DPP4: variants seen among roughly 807,000 people sequenced by gnomAD.
The protein encoded by DPP4 is ADCP-2.
In DPP4, 93 loss-of-function variants were observed where a neutral mutation model predicts 122.4. The ratio of observed to expected loss-of-function variants is 0.76; its 90% CI spans 0.64 to 0.90. The LOEUF (loss-of-function observed/expected upper bound fraction) is 0.90, where lower values mean the gene tolerates loss of function less well. DPP4 is among the 40% of genes least tolerant of loss of function. The pLI, the probability that DPP4 is intolerant of heterozygous loss-of-function variation, is 0.00. For synonymous variants in DPP4, 321 were observed against 302.9 expected (o/e 1.06, Z -0.62); for missense variants, 914 against 907.3 (o/e 1.01, Z -0.09).
chr2:162,051,675 C>T (rs1339152711), intron 2 of DPP4, among the ~76,000 whole-genome samples: 1 of 152,198 alleles, frequency 6.6e-6, no homozygotes, highest in Non-Finnish European at 1.5e-5. Context: ...AGCAAATTAA[C>T]AGCCTTGACA....
intron 23 of DPP4, among the ~76,000 whole-genome samples, chr2:162,001,919 G>T (rs774979448): frequency 4.6e-5 from 7 of 152,120 alleles, no homozygotes; most frequent in African/African-American, 1.4e-4. Context: ...GAGGTGGGGG[G>T]GATGAACATC....
chr2:162,062,332 A>C (rs1321689991), intron 2 of DPP4, among the ~76,000 whole-genome samples: 1 of 152,204 alleles, frequency 6.6e-6, no homozygotes, highest in Non-Finnish European at 1.5e-5. Context: ...CTATATTATT[A>C]ATGGTTTTCT....
At chr2:162,016,653 C>A (rs1576041233) in intron 18 of DPP4, 115 bp downstream of exon 18, 7 of 607,120 alleles carry the variant, frequency 1.2e-5, no homozygotes, top group South Asian at 4.3e-5. Context: ...GGAGAAATAA[C>A]CTTTTAAATT....
In DPP4 at chr2:162,059,315, G is replaced by A. The variant is rs548690519; in HGVS notation, c.95-11814C>T. 1.2e-4 allele frequency among the ~76,000 whole-genome samples: 19 copies of A among 152,206 alleles called. No individual in the cohort carries two copies. The South Asian group carries it at 2.5e-3, about 20-fold the overall frequency. ...GACTTTTCTGGGAATAAACAAGACTGATACAATAATGGCCCAAACTAATAC... is the reference window on the plus strand; with the variant it reads ...GACTTTTCTGGGAATAAACAAGACTAATACAATAATGGCCCAAACTAATAC... On this transcript the variant is annotated intron_variant, in intron 2 of 25. Transcript: ENST00000360534.
At chr2:162,028,438 T>G (rs1683422168) in intron 10 of DPP4, among the ~76,000 whole-genome samples, 2 of 152,186 alleles carry the variant, frequency 1.3e-5, no homozygotes, top group African/African-American at 4.8e-5. Context: ...ACCAGAAAAA[T>G]CCAACCAGCA....
chr2:162,065,028 G>A (rs894375532), intron 2 of DPP4, among the ~76,000 whole-genome samples: 2 of 152,200 alleles, frequency 1.3e-5, no homozygotes, highest in Non-Finnish European at 2.9e-5. Context: ...CTGTCTTTCA[G>A]AATTTTCAAT....
At chr2:162,017,798 GATA>G (rs1682977493) in intron 16 of DPP4, among the ~76,000 whole-genome samples, 1 of 152,166 alleles carries the variant, frequency 6.6e-6, no homozygotes, top group Non-Finnish European at 1.5e-5. Flanking sequence ...GTGTTTGGAT[GATA>G]ATATTAATTT....
In DPP4 at chr2:162,027,430, C is replaced by T. The variant is rs574953059; in HGVS notation, c.888-2491G>A. On this transcript the variant is annotated intron_variant, in intron 10 of 25. Transcript: ENST00000360534. Reference sequence around the variant, plus strand: ...GTGGACTGCATTTGGCCCATAAACCCTAGTGTGTTAACCCCTGTCCTGTAT... The same window carrying T: ...GTGGACTGCATTTGGCCCATAAACCTTAGTGTGTTAACCCCTGTCCTGTAT... 5.9e-5 allele frequency among the ~76,000 whole-genome samples: 9 copies of T among 152,160 alleles called. No homozygotes were observed. The East Asian group carries it at 1.7e-3, about 29-fold the overall frequency.
intron 5 of DPP4, among the ~76,000 whole-genome samples, chr2:162,041,423 G>A (rs183661959): frequency 7.2e-5 from 11 of 152,132 alleles, no homozygotes; most frequent in Admixed American, 3.9e-4. Context: ...AGGATGAGAC[G>A]GATGAAATAG....
At chr2:162,045,487 C>A (rs202041698) in intron 5 of DPP4, 45 bp downstream of exon 5, 35 of 1,416,792 alleles carry the variant, frequency 2.5e-5, no homozygotes, top group Middle Eastern at 1.8e-4. Context: ...ACATAGCATA[C>A]TCTTGGATTA....
chr2:162,011,877 C>G lies in DPP4; in HGVS notation c.1748G>C (p.Ser583Thr). Residue 583 changes from serine to threonine, a missense_variant, in exon 20 of 26, where the codon AGT becomes ACT. Ser to Thr is a moderately conservative substitution (Grantham distance 58, BLOSUM62 1). Transcript: ENST00000360534. ...IIVASFDGRG[S>T]GYQGDKIMHA... The stretch of plus-strand genomic sequence containing the variant: ...CATGATCTTATCTCCTTGGTAACCA[C>G]TTCCTCTGCCATCAAAGCTAGCTAC... 1 of 1,613,830 alleles carries G rather than the reference C, an allele frequency of 6.2e-7. No individual in the cohort carries two copies. Among genetic ancestry groups the G allele is most frequent in the Non-Finnish European group, 8.5e-7 (1 of 1,179,762 alleles).
At chr2:162,043,910 C>T (rs1001575842) in intron 5 of DPP4, among the ~76,000 whole-genome samples, 26 of 152,074 alleles carry the variant, frequency 1.7e-4, no homozygotes, top group African/African-American at 6.3e-4. Flanking sequence ...CACCTGTAGT[C>T]TCAGCTACTC....
At chr2:162,071,555 T>A (rs1379720226) in intron 2 of DPP4, among the ~76,000 whole-genome samples, 1 of 152,146 alleles carries the variant, frequency 6.6e-6, no homozygotes, top group Non-Finnish European at 1.5e-5. Flanking sequence ...GGCAAGGGAA[T>A]CACTTGAACC....
intron 5 of DPP4, among the ~76,000 whole-genome samples, chr2:162,043,538 A>G (rs548930874): frequency 6.6e-6 from 1 of 152,342 alleles, no homozygotes; most frequent in African/African-American, 2.4e-5. Flanking sequence ...TGGCTGGCCA[A>G]CTAAGGGCCA....
chr2:162,000,355 T>C (rs867892583), intron 23 of DPP4, among the ~76,000 whole-genome samples: 1 of 152,152 alleles, frequency 6.6e-6, no homozygotes. Flanking sequence ...ATCAAACAAC[T>C]GTACCCATGG....
intron 18 of DPP4, among the ~76,000 whole-genome samples, 198 bp downstream of exon 18, chr2:162,016,570 T>G (rs906985781): frequency 2.0e-5 from 3 of 152,222 alleles, no homozygotes; most frequent in African/African-American, 7.2e-5. Context: ...CAGAATAAGT[T>G]TTATGTAGAA....
chr2:162,005,829 A>G lies in DPP4; in HGVS notation c.1988-20T>C. ...CTGAGTCTGTGAAAGAAAAAAAAAT[A>G]AAAAAAAGTTTAATTCATACAATAA... On this transcript the variant is annotated intron_variant, in intron 22 of 25. Transcript: ENST00000360534. The G allele has an allele frequency of 6.3e-7, 1 of 1,587,866 alleles. No homozygotes were observed. The highest frequency in any genetic ancestry group is 8.5e-7 in the Non-Finnish European group (1 of 1,171,754).
chr2:162,025,198 G>A (rs1349699925), intron 10 of DPP4, among the ~76,000 whole-genome samples: 2 of 152,138 alleles, frequency 1.3e-5, no homozygotes, highest in Non-Finnish European at 2.9e-5. Flanking sequence ...TAACATGCGT[G>A]ACTCAAACCA....
At chr2:162,046,062 T>C (rs1309654801) in intron 4 of DPP4, among the ~76,000 whole-genome samples, 1 of 152,174 alleles carries the variant, frequency 6.6e-6, no homozygotes, top group East Asian at 1.9e-4. Flanking sequence ...TGGAACTAGA[T>C]CTATTTTTTT....
Sources: allele counts gnomAD v4.1 joint callset (sites outside exome capture counted in the v4.1 genomes callset), GRCh38; gene constraint gnomAD v4.1.1; transcripts MANE v1.5; gene names NCBI Gene and HGNC (gene_info 2026-07-23, HGNC 2026-07-21).